Variants in CDK14 observed in about 807,000 individuals in gnomAD.
CDK14 encodes the protein cyclin dependent kinase 14.
Under a neutral mutation model 60.7 loss-of-function variants are expected in CDK14, and 34 were observed. The observed-to-expected ratio is 0.56, with a 90% CI of 0.43 to 0.75. The LOEUF (loss-of-function observed/expected upper bound fraction) is 0.75, where lower values mean the gene tolerates loss of function less well. Ranked by LOEUF, CDK14 falls within the 30% of genes least tolerant of loss-of-function variation. The pLI is 0.00. For synonymous variants in CDK14, 197 were observed against 203.7 expected (o/e 0.97, Z 0.28); for missense variants, 482 against 564.1 (o/e 0.85, Z 1.47).
intron 14 of CDK14, among the ~76,000 whole-genome samples, chr7:91,156,487 T>A (rs1182943092): frequency 6.6e-6 from 1 of 152,078 alleles, no homozygotes; most frequent in East Asian, 1.9e-4. Context: ...CGCTCTCTCT[T>A]GCCTACAGCT....
chr7:90,697,215 A>G (rs1801678103), intron 2 of CDK14, among the ~76,000 whole-genome samples: 1 of 152,216 alleles, frequency 6.6e-6, no homozygotes, highest in South Asian at 2.1e-4. Flanking sequence ...TTTGGAAATA[A>G]TGATAGTTTT....
intron 10 of CDK14, among the ~76,000 whole-genome samples, chr7:91,043,514 C>T (rs1283742065): frequency 6.6e-6 from 1 of 152,204 alleles, no homozygotes; most frequent in Non-Finnish European, 1.5e-5. Flanking sequence ...ACTTAATTGT[C>T]TCCTCTTGAA....
At chr7:91,071,815 T>C (rs1180970962) in intron 11 of CDK14, among the ~76,000 whole-genome samples, 1 of 152,196 alleles carries the variant, frequency 6.6e-6, no homozygotes, top group African/African-American at 2.4e-5. Context: ...TAGGCCATGC[T>C]CTTCCCCTGC....
chr7:91,100,073 A>G (rs1799108393), intron 12 of CDK14, among the ~76,000 whole-genome samples: 1 of 152,134 alleles, frequency 6.6e-6, no homozygotes, highest in Non-Finnish European at 1.5e-5. Flanking sequence ...ATAAAATCAT[A>G]TAATCGCTGG....
chr7:91,165,250 C>A (rs1801310740), intron 14 of CDK14, among the ~76,000 whole-genome samples: 1 of 152,182 alleles, frequency 6.6e-6, no homozygotes, highest in Non-Finnish European at 1.5e-5. Context: ...TTTCTTCCAA[C>A]CTCAGAGCAT....
chr7:91,138,841 G>A (rs906064696), intron 14 of CDK14, among the ~76,000 whole-genome samples: 8 of 151,964 alleles, frequency 5.3e-5, no homozygotes, highest in African/African-American at 1.9e-4. Flanking sequence ...AAATAAAACT[G>A]GGCCCTGGGC....
intron 12 of CDK14, among the ~76,000 whole-genome samples, chr7:91,091,501 T>TTATTTATATATATATATATATATATA (rs1798822441): frequency 1.1e-5 from 1 of 88,972 alleles, no homozygotes; most frequent in African/African-American, 4.3e-5. Context: ...TTTATATATT[T>TTATTTATATATATATATATATATATA]TATATATATA....
intron 6 of CDK14, among the ~76,000 whole-genome samples, chr7:90,892,809 C>A (rs188409975): frequency 6.6e-6 from 1 of 152,066 alleles, no homozygotes; most frequent in Admixed American, 6.6e-5. Flanking sequence ...GTTTTGTTCT[C>A]GCTCTGTCAC....
At chr7:90,836,834 C>T (rs999121722) in intron 5 of CDK14, among the ~76,000 whole-genome samples, 2 of 152,154 alleles carry the variant, frequency 1.3e-5, no homozygotes, top group Non-Finnish European at 2.9e-5. Flanking sequence ...AGGGGCTAGA[C>T]ATTTTTAAGC....
chr7:90,747,350 G>A (rs1803636019), intron 3 of CDK14, among the ~76,000 whole-genome samples: 1 of 152,048 alleles, frequency 6.6e-6, no homozygotes. Flanking sequence ...GGGAGGGGCA[G>A]GTTTAAAAAC....
intron 5 of CDK14, among the ~76,000 whole-genome samples, chr7:90,825,647 G>A (rs961221509): frequency 6.6e-6 from 1 of 152,112 alleles, no homozygotes; most frequent in Non-Finnish European, 1.5e-5. Context: ...AAAAAATATG[G>A]CATGTTATGC....
intron 2 of CDK14, among the ~76,000 whole-genome samples, chr7:90,677,080 G>T (rs1449959511): frequency 6.6e-6 from 1 of 152,046 alleles, no homozygotes; most frequent in Non-Finnish European, 1.5e-5. Context: ...GATATTTTAG[G>T]ATGTTCTTCA....
At chr7:91,185,148 G>T (rs991919899) in intron 14 of CDK14, among the ~76,000 whole-genome samples, 2 of 148,550 alleles carry the variant, frequency 1.3e-5, no homozygotes, top group Non-Finnish European at 3.0e-5. Flanking sequence ...GGGGGACTCA[G>T]TGGTGAATAA....
At chr7:91,122,104 G>C (rs570474361) in intron 14 of CDK14, among the ~76,000 whole-genome samples, 2 of 152,284 alleles carry the variant, frequency 1.3e-5, no homozygotes, top group African/African-American at 4.8e-5. Flanking sequence ...TCTTTTCAAT[G>C]AATCAGTTGG....
chr7:90,747,046 T>C lies in CDK14; in HGVS notation c.370-635T>C, dbSNP rs761327928. ...CTGTATTGGAACTACAGCTGTGTTG[T>C]AGTTTGAAAACCATGAAACAATATG... On this transcript the variant is annotated intron_variant, in intron 3 of 14. Transcript: ENST00000380050. Among the ~76,000 whole-genome samples, 7 of 152,256 alleles carry C rather than the reference T, an allele frequency of 4.6e-5. 1 individual carries two copies. Among genetic ancestry groups the C allele is most frequent in the Admixed American group, 1.3e-4 (2 of 15,288 alleles).
chr7:90,637,563 T>C (rs1479711645), intron 2 of CDK14, among the ~76,000 whole-genome samples: 1 of 151,960 alleles, frequency 6.6e-6, no homozygotes, highest in Non-Finnish European at 1.5e-5. Flanking sequence ...AAGTATGTGG[T>C]CAATTTTGGA....
At chr7:90,962,777 G>A (rs1217884949) in intron 9 of CDK14, among the ~76,000 whole-genome samples, 1 of 152,110 alleles carries the variant, frequency 6.6e-6, no homozygotes, top group Non-Finnish European at 1.5e-5. Context: ...CAGAGACTCA[G>A]TTTCATGACA....
chr7:90,923,024 A>G (rs1793297324), intron 8 of CDK14, among the ~76,000 whole-genome samples: 1 of 151,790 alleles, frequency 6.6e-6, no homozygotes, highest in Admixed American at 6.6e-5. Context: ...CAAATTCCAG[A>G]GTTTACATTA....
intron 8 of CDK14, among the ~76,000 whole-genome samples, chr7:90,939,185 A>T (rs1793840522): frequency 6.6e-6 from 1 of 152,234 alleles, no homozygotes; most frequent in Non-Finnish European, 1.5e-5. Context: ...GTAGTGTAAG[A>T]TTTCAAATAA....
Sources: gnomAD v4.1 joint callset for allele counts (sites outside exome capture counted in the v4.1 genomes callset) on GRCh38, gnomAD v4.1.1 for gene constraint, MANE v1.5 for transcripts, NCBI Gene and HGNC (gene_info 2026-07-23, HGNC 2026-07-21) for gene names.